The following ORAI3 variants were observed in gnomAD, a reference collection of about 807,000 sequenced individuals.
The protein encoded by ORAI3 is protein orai-3.
In ORAI3, 15 loss-of-function variants were observed where a neutral mutation model predicts 17.2. The observed-to-expected ratio is 0.87, with a 90% CI of 0.58 to 1.34. The LOEUF (loss-of-function observed/expected upper bound fraction) is 1.34, where lower values mean the gene tolerates loss of function less well. ORAI3 is among the 40% of genes most tolerant of loss of function. The pLI is 0.00. For missense variants in ORAI3, 405 were observed against 396.7 expected (o/e 1.02, Z -0.18); for synonymous variants, 178 against 172.4 (o/e 1.03, Z -0.25).
chr16:30,954,077 A>G lies in ORAI3; in HGVS notation c.*233A>G, dbSNP rs1461181202. The G allele has an allele frequency of 7.1e-6, 5 of 704,540 alleles. No individual in the cohort carries two copies. Among genetic ancestry groups the G allele is most frequent in the Non-Finnish European group, 5.2e-6 (2 of 386,990 alleles). 43.6% of individuals were successfully genotyped at this position (704,540 alleles called of 1,614,324 possible). On this transcript the variant is annotated 3_prime_UTR_variant, in exon 2 of 2. Coordinates refer to ENST00000318663, the MANE Select transcript of ORAI3 (RefSeq NM_152288.3). Reference sequence around the variant, plus strand: ...GTCTGTCCCTTGGGTTTTGCAAGCTACTCTGCACCTGGGCTGGCCTCAGTT... The same window carrying G: ...GTCTGTCCCTTGGGTTTTGCAAGCTGCTCTGCACCTGGGCTGGCCTCAGTT...
intron 1 of ORAI3, 67 bp downstream of exon 1, chr16:30,949,584 G>A: frequency 4.1e-6 from 2 of 488,144 alleles, no homozygotes; most frequent in Non-Finnish European, 7.0e-6. Context: ...CGGGGGGGGG[G>A]CGAAGTAAAC....
chr16:30,949,284 C>CT lies in ORAI3; in HGVS notation c.-6_-5insT. On this transcript the variant is annotated 5_prime_UTR_variant, in exon 1 of 2. Coordinates refer to ENST00000318663, the MANE Select transcript of ORAI3 (RefSeq NM_152288.3). ...AGTGACCGCCTGGTGCCGCCCCCCC[C>CT]CCAGGATGAAGGGCGGCGAGGGGGA... The CT allele has an allele frequency of 7.1e-7, 1 of 1,400,696 alleles. No homozygotes were observed. Among genetic ancestry groups the CT allele is most frequent in the South Asian group, 1.6e-5 (1 of 64,158 alleles). 86.8% of individuals were successfully genotyped at this position (1,400,696 alleles called of 1,614,324 possible).
At chr16:30,951,834 A>C (rs775731254) in intron 1 of ORAI3, among the ~76,000 whole-genome samples, 5 of 152,168 alleles carry the variant, frequency 3.3e-5, no homozygotes, top group Non-Finnish European at 5.9e-5. Flanking sequence ...TTTCAAGGGG[A>C]TCTGGAAATA....
intron 1 of ORAI3, 42 bp from the exon 2 acceptor site, chr16:30,953,143 G>A (rs1312279640): frequency 1.3e-6 from 2 of 1,523,740 alleles, no homozygotes; most frequent in East Asian, 4.5e-5. Context: ...CTCTACAGTT[G>A]AGGTTATGGG....
At chr16:30,951,748 G>A (rs1366365919) in intron 1 of ORAI3, among the ~76,000 whole-genome samples, 1 of 152,140 alleles carries the variant, frequency 6.6e-6, no homozygotes, top group African/African-American at 2.4e-5. Context: ...CCTTTCCAAG[G>A]GGAGCAGCCA....
In ORAI3 at chr16:30,954,201, G is replaced by A. The variant is rs1424828122; in HGVS notation, c.*357G>A. 1.6e-5 allele frequency: 11 copies of A among 668,766 alleles called. No individual in the cohort carries two copies. Among genetic ancestry groups the A allele is most frequent in the African/African-American group, 1.5e-4 (8 of 55,094 alleles). 41.4% of individuals were successfully genotyped at this position (668,766 alleles called of 1,614,324 possible). ...TTCCATTCCTATACAGGATGTGAAGGTCAGAAGGCAGCCAATTGTTGGTTT... is the reference window on the plus strand; with the variant it reads ...TTCCATTCCTATACAGGATGTGAAGATCAGAAGGCAGCCAATTGTTGGTTT... On this transcript the variant is annotated 3_prime_UTR_variant, in exon 2 of 2. Transcript: ENST00000318663.
In ORAI3 at chr16:30,953,499, G is replaced by A. The variant is rs2055934766; in HGVS notation, c.543G>A (p.Leu181=). The A allele has an allele frequency of 1.9e-6, 3 of 1,614,262 alleles. No homozygotes were observed. Among genetic ancestry groups the A allele is most frequent in the African/African-American group, 1.3e-5 (1 of 75,076 alleles). ...AGTTTGTGCCCATTGGGGCTCCCTT[G>A]GACACACCGACCCCCATGGTGCCCA... ...WVKFVPIGAP[L]DTPTPMVPTS... The change falls in exon 2 of 2, where the codon TTG becomes TTA. Residue 181 remains leucine (L), a synonymous_variant. Coordinates refer to ENST00000318663, the MANE Select transcript of ORAI3 (RefSeq NM_152288.3).
At chr16:30,949,639 G>A in intron 1 of ORAI3, 122 bp downstream of exon 1, 2 of 679,090 alleles carry the variant, frequency 2.9e-6, no homozygotes, top group South Asian at 1.8e-5. Context: ...GTCAAAGGGG[G>A]AAGGAACAAG....
At position 30,949,162 on chromosome 16, in the gene ORAI3, C is replaced by T. The variant is rs1234764281; in HGVS notation, c.-128C>T. ...TCCACTGGGGGTGCCTCTTCCTGGGCGCCCGCCGCCTGCATCCTGCTCGTC... is the reference window on the plus strand; with the variant it reads ...TCCACTGGGGGTGCCTCTTCCTGGGTGCCCGCCGCCTGCATCCTGCTCGTC... On this transcript the variant is annotated 5_prime_UTR_variant, in exon 1 of 2. Transcript: ENST00000318663. 4 of 588,392 alleles carry T rather than the reference C, an allele frequency of 6.8e-6. No homozygotes were observed. The highest frequency in any genetic ancestry group is 5.4e-6 in the Non-Finnish European group (2 of 370,592). The allele number at this position is 588,392 out of a possible 1,614,324, so 36.4% of individuals were successfully genotyped here.
At chr16:30,949,543 C>T (rs2055911782) in intron 1 of ORAI3, 26 bp downstream of exon 1, 4 of 936,516 alleles carry the variant, frequency 4.3e-6, no homozygotes, top group Non-Finnish European at 5.6e-6. Flanking sequence ...GGGTCACACC[C>T]GGTGGGGCAG....
chr16:30,949,502 C>T lies in ORAI3; in HGVS notation c.213C>T (p.Leu71=), dbSNP rs1403398031. 3.8e-6 allele frequency: 6 copies of T among 1,596,580 alleles called. No individual in the cohort carries two copies. The highest frequency in any genetic ancestry group is 2.7e-5 in the African/African-American group (2 of 73,378). Residue 71 remains leucine, a synonymous_variant, in exon 1 of 2, where the codon CTC becomes CTT. Transcript: ENST00000318663. ...CTTCCAGCCGCACGTCTGCCTTGCTCTCGGGCTTCGCCATGGTGAGGGGCC... is the reference window on the plus strand; with the variant it reads ...CTTCCAGCCGCACGTCTGCCTTGCTTTCGGGCTTCGCCATGGTGAGGGGCC... The part of the protein sequence containing the change: ...LKASSRTSAL[L]SGFAMVAMVE...
chr16:30,949,468 A>C lies in ORAI3; in HGVS notation c.179A>C (p.Lys60Thr). 2 of 1,605,822 alleles carry C rather than the reference A, an allele frequency of 1.2e-6. No homozygotes were observed. The highest frequency in any genetic ancestry group is 1.7e-6 in the Non-Finnish European group (2 of 1,177,560). The change falls in exon 1 of 2, where the codon AAG becomes ACG. Residue 60 changes from lysine (K) to threonine (T), a missense_variant. Transcript: ENST00000318663. The stretch of plus-strand genomic sequence containing the variant: ...CGCCGCCTCTACCTCAGCCGGGCCA[A>C]GCTCAAAGCTTCCAGCCGCACGTCT... ...SWRRLYLSRA[K>T]LKASSRTSAL...
chr16:30,954,350 G>A lies in ORAI3; in HGVS notation c.*506G>A. On this transcript the variant is annotated 3_prime_UTR_variant, in exon 2 of 2. Coordinates refer to ENST00000318663, the MANE Select transcript of ORAI3 (RefSeq NM_152288.3). ...CTCCCACCACAGCCTCCCAGGTAGT[G>A]AGTAGCTGGTACTACAGGTGTGTGC... The A allele has an allele frequency of 1.8e-6, 1 of 547,630 alleles. No homozygotes were observed. The highest frequency in any genetic ancestry group is 3.3e-6 in the Non-Finnish European group (1 of 306,412). The allele number at this position is 547,630 out of a possible 1,614,324, so 33.9% of individuals were successfully genotyped here.
At chr16:30,952,907 C>CCA (rs1209062508) in intron 1 of ORAI3, among the ~76,000 whole-genome samples, 1 of 152,178 alleles carries the variant, frequency 6.6e-6, no homozygotes, top group Non-Finnish European at 1.5e-5. Context: ...CTCAGGTGAT[C>CCA]CACACACTTT....
Position 30,949,312 on chromosome 16 carries a change from C to T in ORAI3, c.23C>T (p.Ala8Val). ...AGGATGAAGGGCGGCGAGGGGGACG[C>T]GGGCGAGCAGGCCCCGCTGAACCCT... Reference protein sequence around the residue: MKGGEGDAGEQAPLNPEG... With the variant: MKGGEGDVGEQAPLNPEG... The change falls in exon 1 of 2, where the codon GCG (alanine) becomes GTG (valine). Residue 8 changes from alanine (A) to valine (V), a missense_variant. By Grantham distance (64) the Ala-to-Val change is moderately conservative. Transcript: ENST00000318663. 1 of 1,429,600 alleles carries T rather than the reference C, an allele frequency of 7.0e-7. No homozygotes were observed. Among genetic ancestry groups the T allele is most frequent in the South Asian group, 1.4e-5 (1 of 69,556 alleles). 88.6% of individuals were successfully genotyped at this position (1,429,600 alleles called of 1,614,324 possible).
chr16:30,953,352 CA>C lies in ORAI3; in HGVS notation c.398del (p.Asn133ThrfsTer150). 6.2e-7 allele frequency: 1 copy of C among 1,614,198 alleles called. No homozygotes were observed. The highest frequency in any genetic ancestry group is 8.5e-7 in the Non-Finnish European group (1 of 1,180,018). On this transcript the variant is annotated frameshift_variant, in exon 2 of 2. Transcript: ENST00000318663. LOFTEE classifies it high-confidence loss of function. ...AAGCTGTGAGCAACATCCACAACCT[CA>C]ACTCTGTCCACCAGTCGCCACACCA... ...IEAVSNIHNL[N>X]SVHQSPHQRL...
rs892013810 is a variant in ORAI3 at position 30,949,384 on chromosome 16, A to G, written c.95A>G (p.His32Arg). The change falls in exon 1 of 2, where the codon CAC (histidine) becomes CGC (arginine). Residue 32 changes from histidine (H) to arginine (R), a missense_variant. Transcript: ENST00000318663. The stretch of plus-strand genomic sequence containing the variant: ...TCGGCCACGTACCGGGAGTTCGTGC[A>G]CCGCGGCTACCTGGACCTCATGGGG... ...AGSATYREFV[H>R]RGYLDLMGAS... 6.3e-7 allele frequency: 1 copy of G among 1,582,694 alleles called. No homozygotes were observed. Among genetic ancestry groups the G allele is most frequent in the African/African-American group, 1.4e-5 (1 of 73,822 alleles).
intron 1 of ORAI3, among the ~76,000 whole-genome samples, chr16:30,951,122 A>G (rs185566950): frequency 6.8e-4 from 104 of 151,868 alleles, no homozygotes; most frequent in African/African-American, 2.4e-3. Flanking sequence ...CTGTTTTCCT[A>G]CCTCCACCCG....
rs1462359252 is a variant in ORAI3 at position 30,954,751 on chromosome 16, C to T, written c.*907C>T. 1 of 152,656 alleles carries T rather than the reference C, an allele frequency of 6.6e-6. No individual in the cohort carries two copies. The highest frequency in any genetic ancestry group is 2.4e-5 in the African/African-American group (1 of 41,440). 9.5% of individuals were successfully genotyped at this position (152,656 alleles called of 1,614,324 possible). On this transcript the variant is annotated 3_prime_UTR_variant, in exon 2 of 2. Transcript: ENST00000318663. Reference sequence around the variant, plus strand: ...CCACGCTATGCACCAAACTTGTTCTCCCCGTCCTGGTCCAGGGCTGGGGTC... The same window carrying T: ...CCACGCTATGCACCAAACTTGTTCTTCCCGTCCTGGTCCAGGGCTGGGGTC...
Sources: gnomAD v4.1 joint callset for allele counts (sites outside exome capture counted in the v4.1 genomes callset) on GRCh38, gnomAD v4.1.1 for gene constraint, MANE v1.5 for transcripts, NCBI Gene and HGNC (gene_info 2026-07-23, HGNC 2026-07-21) for gene names.